The following CFAP61 variants were observed in gnomAD, a reference collection of about 807,000 sequenced individuals.
The protein encoded by CFAP61 is cilia- and flagella-associated protein 61.
CFAP61 carries 107 observed loss-of-function variants against 135.6 expected under a neutral mutation model. The observed-to-expected ratio is 0.79, with a 90% confidence interval of 0.67 to 0.93. CFAP61 has a LOEUF of 0.93. Ranked by LOEUF, CFAP61 falls within the 40% of genes least tolerant of loss-of-function variation. The pLI is 0.00. For missense variants in CFAP61, 1,507 were observed against 1,556.2 expected, an observed-to-expected ratio of 0.97 and a Z score of 0.53; for synonymous variants, 575 against 578.5, an observed-to-expected ratio of 0.99 and a Z score of 0.09.
intron 8 of CFAP61, among the ~76,000 whole-genome samples, chr20:20,100,380 C>A (rs1262576774): frequency 6.6e-6 from 1 of 152,024 alleles, no homozygotes; most frequent in Non-Finnish European, 1.5e-5. Flanking sequence ...ACCATGTTGG[C>A]CAGGCTGGTC....
intron 26 of CFAP61, among the ~76,000 whole-genome samples, chr20:20,351,838 A>G (rs1369055549): frequency 1.3e-5 from 2 of 152,192 alleles, no homozygotes; most frequent in African/African-American, 2.4e-5. Context: ...TGCAGATTCA[A>G]TGCAATTCCT....
chr20:20,052,569 G>A lies in CFAP61; in HGVS notation c.-59G>A, dbSNP rs773755524. 4.3e-6 allele frequency: 7 copies of A among 1,613,808 alleles called. No homozygotes were observed. The highest frequency in any genetic ancestry group is 1.6e-4 in the Middle Eastern group (1 of 6,084). Reference sequence around the variant, plus strand: ...CTCCTTGCGGCAGCGCGTGGAGTGCGGCGTCCTGGAGCTGCGGATGAGGTG... The same window carrying A: ...CTCCTTGCGGCAGCGCGTGGAGTGCAGCGTCCTGGAGCTGCGGATGAGGTG... On this transcript the variant is annotated 5_prime_UTR_variant, in exon 1 of 27. Transcript: ENST00000245957.
At chr20:20,261,258 G>A (rs921328300) in intron 20 of CFAP61, among the ~76,000 whole-genome samples, 6 of 152,214 alleles carry the variant, frequency 3.9e-5, no homozygotes, top group African/African-American at 1.4e-4. Flanking sequence ...TTGAGGAAGT[G>A]TATAACCAAA....
intron 18 of CFAP61, among the ~76,000 whole-genome samples, chr20:20,242,242 T>C (rs2050066724): frequency 6.6e-6 from 1 of 152,140 alleles, no homozygotes; most frequent in Non-Finnish European, 1.5e-5. Context: ...TTTTTTGGCA[T>C]TTGGTTGATT....
intron 22 of CFAP61, 82 bp from the exon 23 acceptor site, chr20:20,288,527 A>G: frequency 1.9e-6 from 2 of 1,064,770 alleles, no homozygotes; most frequent in Non-Finnish European, 2.8e-6. Context: ...GAATAATAAA[A>G]TGCCCTGGAG....
intron 20 of CFAP61, among the ~76,000 whole-genome samples, chr20:20,260,028 A>C: frequency 6.6e-6 from 1 of 152,198 alleles, no homozygotes; most frequent in African/African-American, 2.4e-5. Flanking sequence ...CCTTATATTA[A>C]AGACTGTTCT....
At chr20:20,171,877 C>A in intron 13 of CFAP61, 2 of 655,214 alleles carry the variant, frequency 3.1e-6, no homozygotes, top group Non-Finnish European at 5.6e-6. Flanking sequence ...GTGGACTTTT[C>A]TTCCTTGTGC....
intron 18 of CFAP61, among the ~76,000 whole-genome samples, chr20:20,235,953 C>G (rs1454541042): frequency 2.0e-5 from 3 of 152,112 alleles, no homozygotes; most frequent in African/African-American, 7.2e-5. Context: ...AGGTTTCTCT[C>G]TAAGTGTACT....
intron 6 of CFAP61, chr20:20,085,475 GC>G: frequency 7.3e-7 from 1 of 1,366,542 alleles, no homozygotes; most frequent in African/African-American, 1.5e-5. Context: ...TTAAGAGAGA[GC>G]CTCTTCAGAA....
chr20:20,260,937 T>C (rs1375503127), intron 20 of CFAP61, among the ~76,000 whole-genome samples: 12 of 152,332 alleles, frequency 7.9e-5, no homozygotes, highest in African/African-American at 2.9e-4. Flanking sequence ...GTCAGACTTT[T>C]CGCCAAAGCC....
intron 25 of CFAP61, among the ~76,000 whole-genome samples, chr20:20,331,236 A>C (rs1003481648): frequency 6.6e-6 from 1 of 152,170 alleles, no homozygotes; most frequent in Non-Finnish European, 1.5e-5. Flanking sequence ...TTGTGGACTT[A>C]AGGATTCCTG....
intron 26 of CFAP61, among the ~76,000 whole-genome samples, chr20:20,358,763 C>T (rs902079038): frequency 1.7e-4 from 26 of 152,192 alleles, no homozygotes; most frequent in African/African-American, 6.3e-4. Flanking sequence ...GACTTTATGC[C>T]TCCATATAGC....
At chr20:20,259,145 T>G (rs1040766361) in intron 20 of CFAP61, among the ~76,000 whole-genome samples, 1 of 151,966 alleles carries the variant, frequency 6.6e-6, no homozygotes, top group Non-Finnish European at 1.5e-5. Flanking sequence ...AAGAAAAAGT[T>G]TATTTCCTTC....
intron 25 of CFAP61, chr20:20,317,014 T>A (rs2122223335): frequency 6.6e-6 from 1 of 151,182 alleles, no homozygotes; most frequent in Non-Finnish European, 1.5e-5. Context: ...GTAGCTGGGA[T>A]TACAGGCTTG....
At chr20:20,330,744 C>G (rs866780655) in intron 25 of CFAP61, among the ~76,000 whole-genome samples, 89 of 152,140 alleles carry the variant, frequency 5.8e-4, no homozygotes, top group African/African-American at 1.9e-3. Context: ...GTTTTCCTAC[C>G]TGTAGAACAA....
intron 19 of CFAP61, 47 bp from the exon 20 acceptor site, chr20:20,251,548 C>T (rs770710472): frequency 3.5e-5 from 55 of 1,590,484 alleles, no homozygotes; most frequent in Admixed American, 6.7e-5. Flanking sequence ...AATTAATGCC[C>T]GCTGTCAGCT....
At chr20:20,330,121 CT>C (rs1291532344) in intron 25 of CFAP61, among the ~76,000 whole-genome samples, 1 of 152,050 alleles carries the variant, frequency 6.6e-6, no homozygotes. Flanking sequence ...AAATTGTACC[CT>C]TTTTAGTGGT....
At chr20:20,254,243 T>C (rs1028459970) in intron 20 of CFAP61, among the ~76,000 whole-genome samples, 1 of 143,794 alleles carries the variant, frequency 7.0e-6, no homozygotes, top group Non-Finnish European at 1.5e-5. Flanking sequence ...ATTTTTATGG[T>C]TAAAGGATAA....
intron 17 of CFAP61, among the ~76,000 whole-genome samples, chr20:20,207,652 C>T (rs556907127): frequency 6.6e-6 from 1 of 152,264 alleles, no homozygotes; most frequent in East Asian, 1.9e-4. Context: ...TATAAAATGA[C>T]AAAGAGGACA....
Sources: allele counts gnomAD v4.1 joint callset (sites outside exome capture counted in the v4.1 genomes callset), GRCh38; gene constraint gnomAD v4.1.1; transcripts MANE v1.5; gene names NCBI Gene and HGNC (gene_info 2026-07-23, HGNC 2026-07-21).